Variants in ANO10 observed in about 807,000 individuals in gnomAD.
ANO10 encodes anoctamin 10.
ANO10 carries 77 observed loss-of-function variants against 74.7 expected under a neutral mutation model. The ratio of observed to expected loss-of-function variants is 1.03; its 90% CI spans 0.86 to 1.25. The LOEUF (loss-of-function observed/expected upper bound fraction) is 1.25, where lower values mean the gene tolerates loss of function less well. ANO10 is among the 50% of genes most tolerant of loss of function. The pLI is 0.00. For missense variants in ANO10, 721 were observed against 778.1 expected, an observed-to-expected ratio of 0.93 and a Z score of 0.87; for synonymous variants, 279 against 284.9, an observed-to-expected ratio of 0.98 and a Z score of 0.21.
At chr3:43,521,413 A>G (rs1452701281) in intron 11 of ANO10, among the ~76,000 whole-genome samples, 1 of 152,204 alleles carries the variant, frequency 6.6e-6, no homozygotes, top group Non-Finnish European at 1.5e-5. Context: ...CCATAAAATG[A>G]TAAATAGTAG....
At chr3:43,690,623 C>T (rs2084347833) in intron 1 of ANO10, 2 of 241,930 alleles carry the variant, frequency 8.3e-6, no homozygotes, top group Non-Finnish European at 1.6e-5. Flanking sequence ...ACCTCCGTCC[C>T]CAAGGTGCCA....
intron 1 of ANO10, among the ~76,000 whole-genome samples, chr3:43,683,166 G>T (rs553411504): frequency 7.9e-5 from 12 of 152,282 alleles, no homozygotes; most frequent in Admixed American, 4.6e-4. Context: ...TGACATGATT[G>T]TATATCTAGA....
At chr3:43,456,058 A>C (rs1249877217) in intron 11 of ANO10, among the ~76,000 whole-genome samples, 1 of 152,212 alleles carries the variant, frequency 6.6e-6, no homozygotes, top group Non-Finnish European at 1.5e-5. Context: ...CTTTAAATAG[A>C]AATTGACATG....
chr3:43,616,560 G>A (rs2083117549), intron 1 of ANO10, among the ~76,000 whole-genome samples: 2 of 152,170 alleles, frequency 1.3e-5, no homozygotes, highest in African/African-American at 2.4e-5. Flanking sequence ...AGGGAAGACA[G>A]GCTGCTGGGC....
At chr3:43,373,010 A>G (rs542832344) in intron 12 of ANO10, among the ~76,000 whole-genome samples, 18 of 152,234 alleles carry the variant, frequency 1.2e-4, no homozygotes, top group Admixed American at 8.5e-4. Context: ...CTGGCCCACA[A>G]ATTGGCCAAT....
intron 11 of ANO10, among the ~76,000 whole-genome samples, chr3:43,490,314 A>C (rs547537354): frequency 6.6e-6 from 1 of 152,290 alleles, no homozygotes; most frequent in Admixed American, 6.5e-5. Context: ...CTGTTGCAAT[A>C]AGTTTCCAGC....
At chr3:43,505,330 A>G (rs547797685) in intron 11 of ANO10, among the ~76,000 whole-genome samples, 7 of 152,356 alleles carry the variant, frequency 4.6e-5, no homozygotes, top group African/African-American at 1.7e-4. Context: ...AGAAAATAAG[A>G]TTCAAATTAA....
intron 12 of ANO10, among the ~76,000 whole-genome samples, chr3:43,380,240 A>G (rs2091922235): frequency 6.6e-6 from 1 of 152,252 alleles, no homozygotes; most frequent in Admixed American, 6.5e-5. Flanking sequence ...AGAGAAATCT[A>G]AAAGTTTGGA....
At chr3:43,432,383 T>C (rs536019620) in intron 12 of ANO10, among the ~76,000 whole-genome samples, 1 of 152,338 alleles carries the variant, frequency 6.6e-6, no homozygotes, top group African/African-American at 2.4e-5. Context: ...TATTCTTTAT[T>C]TAACATTGCC....
At chr3:43,437,091 G>A (rs1444420074) in intron 11 of ANO10, among the ~76,000 whole-genome samples, 1 of 152,116 alleles carries the variant, frequency 6.6e-6, no homozygotes, top group Admixed American at 6.5e-5. Flanking sequence ...AAAATGTTAT[G>A]GAATTAGGCT....
intron 12 of ANO10, among the ~76,000 whole-genome samples, chr3:43,426,400 C>G (rs1334166718): frequency 6.6e-6 from 1 of 152,174 alleles, no homozygotes; most frequent in African/African-American, 2.4e-5. Context: ...AGGCCTGGCC[C>G]AGTTGGCCTG....
chr3:43,630,494 G>A (rs1042319808), intron 1 of ANO10, among the ~76,000 whole-genome samples: 1 of 152,176 alleles, frequency 6.6e-6, no homozygotes. Context: ...AAACAAAAGA[G>A]AGAAGGGGAG....
chr3:43,659,055 T>C (rs1204192574), intron 1 of ANO10, among the ~76,000 whole-genome samples: 1 of 152,218 alleles, frequency 6.6e-6, no homozygotes, highest in Non-Finnish European at 1.5e-5. Context: ...AGTATCTTCT[T>C]TTCTTGGTTT....
chr3:43,665,678 G>A (rs2083982317), intron 1 of ANO10, among the ~76,000 whole-genome samples: 3 of 152,114 alleles, frequency 2.0e-5, no homozygotes, highest in Non-Finnish European at 4.4e-5. Flanking sequence ...TATTGCTCCT[G>A]CTCAAGAACA....
At chr3:43,398,701 G>A (rs1026384046) in intron 12 of ANO10, among the ~76,000 whole-genome samples, 7 of 152,354 alleles carry the variant, frequency 4.6e-5, no homozygotes, top group African/African-American at 1.4e-4. Flanking sequence ...ATACAGTTGA[G>A]TGTGGGCATT....
intron 11 of ANO10, among the ~76,000 whole-genome samples, chr3:43,533,934 T>C (rs1278098075): frequency 6.6e-6 from 1 of 152,240 alleles, no homozygotes; most frequent in Non-Finnish European, 1.5e-5. Flanking sequence ...ATTAACTAAA[T>C]TCTGCTTATG....
chr3:43,620,837 T>C (rs2083358472), intron 1 of ANO10, among the ~76,000 whole-genome samples: 1 of 152,262 alleles, frequency 6.6e-6, no homozygotes, highest in African/African-American at 2.4e-5. Flanking sequence ...AAGACTTTTC[T>C]ATGCCCTTCC....
intron 12 of ANO10, among the ~76,000 whole-genome samples, chr3:43,404,724 A>T (rs759319426): frequency 6.6e-6 from 1 of 151,976 alleles, no homozygotes; most frequent in Admixed American, 6.6e-5. Flanking sequence ...TCTACAAAAA[A>T]TAAAAAAAAA....
chr3:43,591,726 T>G (rs1330958023), intron 4 of ANO10, among the ~76,000 whole-genome samples: 1 of 152,148 alleles, frequency 6.6e-6, no homozygotes, highest in Non-Finnish European at 1.5e-5. Flanking sequence ...CAGGTTCATC[T>G]CACTGGGGCT....
Sources: gnomAD v4.1 joint callset for allele counts (sites outside exome capture counted in the v4.1 genomes callset) on GRCh38, gnomAD v4.1.1 for gene constraint, MANE v1.5 for transcripts, NCBI Gene and HGNC (gene_info 2026-07-23, HGNC 2026-07-21) for gene names.